Variants in CDH13 observed in about 807,000 individuals in gnomAD.
The protein encoded by CDH13 is cadherin-13.
In CDH13, 24 loss-of-function variants were observed where a neutral mutation model predicts 63.8. The ratio of observed to expected loss-of-function variants is 0.38; its 90% CI spans 0.27 to 0.53. CDH13 has a LOEUF of 0.53. Among genes scored for constraint, CDH13 ranks in the 20% least tolerant of loss-of-function variants. The pLI, the probability that CDH13 is intolerant of heterozygous loss-of-function variation, is 0.85. For synonymous variants in CDH13, 503 were observed against 355.3 expected (o/e 1.42, Z -4.67); for missense variants, 1,049 against 903.1 (o/e 1.16, Z -2.07).
chr16:82,737,930 G>A (rs1019291951), intron 1 of CDH13, among the ~76,000 whole-genome samples: 7 of 152,286 alleles, frequency 4.6e-5, no homozygotes, highest in East Asian at 1.9e-4. Flanking sequence ...ACCTCCAAAC[G>A]TTTCCTTATG....
At chr16:83,036,121 G>A (rs1916827396) in intron 3 of CDH13, among the ~76,000 whole-genome samples, 1 of 151,002 alleles carries the variant, frequency 6.6e-6, no homozygotes, top group Non-Finnish European at 1.5e-5. Flanking sequence ...TAGCAGCATG[G>A]CTCTGGCTCT....
At chr16:83,308,245 C>G (rs1460823331) in intron 5 of CDH13, among the ~76,000 whole-genome samples, 1 of 152,142 alleles carries the variant, frequency 6.6e-6, no homozygotes, top group Non-Finnish European at 1.5e-5. Context: ...TCTTTCCAAA[C>G]ATATATTTTG....
At chr16:83,710,697 G>C (rs1907904096) in intron 10 of CDH13, among the ~76,000 whole-genome samples, 1 of 152,146 alleles carries the variant, frequency 6.6e-6, no homozygotes, top group East Asian at 1.9e-4. Flanking sequence ...GAGTTTCCTT[G>C]TCTTGGGAAT....
chr16:83,652,153 G>A (rs746166324), intron 8 of CDH13, among the ~76,000 whole-genome samples: 5 of 152,220 alleles, frequency 3.3e-5, no homozygotes, highest in African/African-American at 1.2e-4. Context: ...GGCCCAAGGG[G>A]TCTATTTGAA....
At chr16:82,895,752 A>C (rs138972745) in intron 2 of CDH13, among the ~76,000 whole-genome samples, 1 of 152,012 alleles carries the variant, frequency 6.6e-6, no homozygotes, top group African/African-American at 2.4e-5. Context: ...CTGTTAGATT[A>C]ACCATTTGTA....
At chr16:83,304,169 T>C (rs186258672) in intron 5 of CDH13, among the ~76,000 whole-genome samples, 98 of 152,228 alleles carry the variant, frequency 6.4e-4, no homozygotes, top group African/African-American at 2.1e-3. Flanking sequence ...AGGGCTGGAT[T>C]ATGAAGACTC....
chr16:83,051,621 T>C (rs2030345437), intron 3 of CDH13, among the ~76,000 whole-genome samples: 1 of 152,194 alleles, frequency 6.6e-6, no homozygotes, highest in Non-Finnish European at 1.5e-5. Flanking sequence ...TTATCTGGAT[T>C]TCATTAAGAC....
At chr16:82,793,762 T>C (rs2036437458) in intron 1 of CDH13, among the ~76,000 whole-genome samples, 1 of 152,184 alleles carries the variant, frequency 6.6e-6, no homozygotes, top group Non-Finnish European at 1.5e-5. Flanking sequence ...AAGCTCTGAA[T>C]GAGGTGAATG....
intron 3 of CDH13, among the ~76,000 whole-genome samples, chr16:83,056,363 C>T (rs2030933633): frequency 6.6e-6 from 1 of 151,880 alleles, no homozygotes; most frequent in Non-Finnish European, 1.5e-5. Context: ...TCCAGAATAA[C>T]ACTTTGTAAT....
At chr16:82,804,633 A>T (rs2037054442) in intron 1 of CDH13, among the ~76,000 whole-genome samples, 1 of 152,168 alleles carries the variant, frequency 6.6e-6, no homozygotes, top group Non-Finnish European at 1.5e-5. Context: ...CAGTTTGTGG[A>T]TTAGGAGACA....
chr16:82,783,301 A>C (rs1200575918), intron 1 of CDH13, among the ~76,000 whole-genome samples: 1 of 152,208 alleles, frequency 6.6e-6, no homozygotes, highest in Non-Finnish European at 1.5e-5. Flanking sequence ...GCTAGCAGGG[A>C]GGGGAGGGGT....
At chr16:83,314,276 C>T (rs778321943) in intron 5 of CDH13, among the ~76,000 whole-genome samples, 6 of 147,160 alleles carry the variant, frequency 4.1e-5, no homozygotes, top group Non-Finnish European at 6.0e-5. Context: ...GGTGATGATT[C>T]ACAAAAATGT....
At chr16:82,660,168 G>C (rs781776134) in intron 1 of CDH13, among the ~76,000 whole-genome samples, 4 of 152,046 alleles carry the variant, frequency 2.6e-5, no homozygotes, top group Admixed American at 2.0e-4. Flanking sequence ...AGAGAGGGAG[G>C]GAAAATGTGA....
At position 83,646,222 on chromosome 16, in the gene CDH13, A is replaced by G. The variant is rs116405462; in HGVS notation, c.1102-24568A>G. On this transcript the variant is annotated intron_variant, in intron 8 of 13. Transcript: ENST00000567109. ...TCTGCTACCCTAGGCAAGTGCTTGTACTTCTCTGTGCCTCAGTTTCCTCAC... is the reference window on the plus strand; with the variant it reads ...TCTGCTACCCTAGGCAAGTGCTTGTGCTTCTCTGTGCCTCAGTTTCCTCAC... 1.2e-3 allele frequency among the ~76,000 whole-genome samples: 183 copies of G among 152,252 alleles called. 2 individuals are homozygous for G. The highest frequency in any genetic ancestry group is 4.1e-3 in the African/African-American group (170 of 41,546).
intron 8 of CDH13, among the ~76,000 whole-genome samples, chr16:83,622,362 T>C (rs1054169073): frequency 9.3e-5 from 14 of 150,792 alleles, no homozygotes; most frequent in African/African-American, 3.4e-4. Flanking sequence ...TCCGGCCCCA[T>C]GGGATTCCGA....
chr16:83,049,816 A>C (rs2030089926), intron 3 of CDH13, among the ~76,000 whole-genome samples: 1 of 152,136 alleles, frequency 6.6e-6, no homozygotes, highest in Non-Finnish European at 1.5e-5. Context: ...CCTGTGTGCA[A>C]ATGTATTTGA....
At chr16:83,623,332 C>T (rs935169694) in intron 8 of CDH13, among the ~76,000 whole-genome samples, 1 of 152,190 alleles carries the variant, frequency 6.6e-6, no homozygotes, top group Admixed American at 6.5e-5. Flanking sequence ...TTTTCTTTCA[C>T]TTGGGCCCTT....
chr16:83,342,457 T>G (rs777696475), intron 5 of CDH13, among the ~76,000 whole-genome samples: 1 of 152,214 alleles, frequency 6.6e-6, no homozygotes. Flanking sequence ...CCCTTCACTG[T>G]TTTTAGAGAC....
intron 5 of CDH13, among the ~76,000 whole-genome samples, chr16:83,343,620 T>G (rs1469152662): frequency 6.6e-6 from 1 of 152,240 alleles, no homozygotes; most frequent in Admixed American, 6.5e-5. Flanking sequence ...AGAATGTTTG[T>G]CTTTCATTTT....
Sources: allele counts gnomAD v4.1 joint callset (sites outside exome capture counted in the v4.1 genomes callset), GRCh38; gene constraint gnomAD v4.1.1; transcripts MANE v1.5; gene names NCBI Gene and HGNC (gene_info 2026-07-23, HGNC 2026-07-21).